Variants in SYNE3 observed in about 807,000 individuals in gnomAD.
The protein encoded by SYNE3 is spectrin repeat containing nuclear envelope family member 3.
SYNE3 carries 100 observed loss-of-function variants against 111.2 expected under a neutral mutation model. The ratio of observed to expected loss-of-function variants is 0.90; its 90% CI spans 0.77 to 1.06. The LOEUF (loss-of-function observed/expected upper bound fraction) is 1.06, where lower values mean the gene tolerates loss of function less well. SYNE3 is among the 50% of genes least tolerant of loss of function. The pLI, the probability that SYNE3 is intolerant of heterozygous loss-of-function variation, is 0.00. For missense variants in SYNE3, 1,160 were observed against 1,240.3 expected (o/e 0.94, Z 0.97); for synonymous variants, 547 against 533.9 (o/e 1.02, Z -0.34).
At chr14:95,443,046 G>A in intron 11 of SYNE3, 109 bp downstream of exon 11, 1 of 1,367,970 alleles carries the variant, frequency 7.3e-7, no homozygotes, top group Non-Finnish European at 1.0e-6. Context: ...AAAGAAAAAA[G>A]AGAGGTTAGA....
rs374468630 is a variant in SYNE3 at position 95,485,989 on chromosome 14, C to T, written c.-14-10154G>A. On this transcript the variant is annotated intron_variant, in intron 1 of 17. Transcript: ENST00000682763. The surrounding 1 kb of genome is among the most constrained non-coding windows in gnomAD (Gnocchi z 4.3). ...CAGCCTGCACTCAAGGGGTACACTG[C>T]ACCCCCACCACCCCTTATCAGCTCC... Among the ~76,000 whole-genome samples the T allele has an allele frequency of 4.8e-4, 73 of 152,258 alleles. No homozygotes were observed. The highest frequency in any genetic ancestry group is 1.7e-3 in the African/African-American group (71 of 41,534).
chr14:95,421,814 G>A lies in SYNE3; in HGVS notation c.2728-3788C>T, dbSNP rs192983337. ...CTCTCAGCTCCTTAAAGACCCTCAC[G>A]TCCTATCGCCACAGGGCCTTTGCAC... is the stretch of plus-strand genomic sequence containing the variant. On this transcript the variant is annotated intron_variant, in intron 17 of 17. Coordinates refer to ENST00000682763, the MANE Select transcript of SYNE3 (RefSeq NM_152592.6). Among the ~76,000 whole-genome samples, 20 of 152,286 alleles carry A rather than the reference G, an allele frequency of 1.3e-4. No homozygotes were observed. The South Asian group carries it at 2.3e-3, about 17-fold the overall frequency.
Position 95,416,508 on chromosome 14 carries a change from A to G in SYNE3, c.*1318T>C, listed in dbSNP as rs1195868683. On this transcript the variant is annotated 3_prime_UTR_variant, in exon 18 of 18. Coordinates refer to ENST00000682763, the MANE Select transcript of SYNE3 (RefSeq NM_152592.6). ...TTGTAGAGCACTTAGGAACCATCCC[A>G]GAGTTCCCTGGCAAGGAAGGGATGA... 3 of 152,250 alleles carry G rather than the reference A, an allele frequency of 2.0e-5. No individual in the cohort carries two copies. Among genetic ancestry groups the G allele is most frequent in the African/African-American group, 7.2e-5 (3 of 41,464 alleles). 9.4% of individuals were successfully genotyped at this position (152,250 alleles called of 1,614,324 possible).
chr14:95,409,461 A>C lies in SYNE3; in HGVS notation c.*8365T>G, dbSNP rs981205774. 2.3e-6 allele frequency: 1 copy of C among 436,982 alleles called. No individual in the cohort carries two copies. The highest frequency in any genetic ancestry group is 7.0e-5 in the East Asian group (1 of 14,224). The allele number at this position is 436,982 out of a possible 1,614,324, so 27.1% of individuals were successfully genotyped here. On this transcript the variant is annotated 3_prime_UTR_variant, in exon 18 of 18. Transcript: ENST00000682763. ...TGCTGAGCTCAGAAGCAAGCGTTTC[A>C]GAAAGGAAGCCCAGGATCCTCGGGG...
In SYNE3 at chr14:95,439,014, C is replaced by A; in HGVS notation, c.2376+19G>T. On this transcript the variant is annotated intron_variant, in intron 14 of 17. Coordinates refer to ENST00000682763, the MANE Select transcript of SYNE3 (RefSeq NM_152592.6). ...TGGGGCCTGGCCCCTTCTCCCACAG[C>A]CCTGCTAGACAGACTCACGCGTCGA... The A allele has an allele frequency of 6.2e-7, 1 of 1,613,036 alleles. No homozygotes were observed. The highest frequency in any genetic ancestry group is 8.5e-7 in the Non-Finnish European group (1 of 1,179,464).
chr14:95,425,241 AT>A (rs1316518170), intron 17 of SYNE3, among the ~76,000 whole-genome samples: 2 of 67,808 alleles, frequency 2.9e-5, no homozygotes, highest in African/African-American at 8.3e-5. Flanking sequence ...GTGAGACTCC[AT>A]CAAAAAAAAA....
At position 95,479,165 on chromosome 14, in the gene SYNE3, C is replaced by T. The variant is rs555920552; in HGVS notation, c.-14-3330G>A. ...ATCCCAGCAGTTTGGGAGGCTGATA[C>T]GGGAGGATCACTTGAGCTCAGGACC... is the stretch of plus-strand genomic sequence containing the variant. On this transcript the variant is annotated intron_variant, in intron 1 of 17. Transcript: ENST00000682763. Among the ~76,000 whole-genome samples, 24 of 141,528 alleles carry T rather than the reference C, an allele frequency of 1.7e-4. No homozygotes were observed. The Middle Eastern group carries it at 0.015, about 89-fold the overall frequency. 92.8% of individuals were successfully genotyped at this position (141,528 alleles called of 152,430 possible).
At chr14:95,509,765 C>T (rs1447975201) in intron 1 of SYNE3, among the ~76,000 whole-genome samples, 1 of 152,240 alleles carries the variant, frequency 6.6e-6, no homozygotes, top group African/African-American at 2.4e-5. Context: ...GGTGGCCCAC[C>T]CTGTTCTGTC....
At chr14:95,458,199 A>G (rs1403491870) in intron 4 of SYNE3, among the ~76,000 whole-genome samples, 2 of 152,070 alleles carry the variant, frequency 1.3e-5, no homozygotes, top group Non-Finnish European at 2.9e-5. Context: ...ATGGCTCCCC[A>G]CTGGCCCCAG....
intron 2 of SYNE3, among the ~76,000 whole-genome samples, chr14:95,474,756 A>G (rs1888774370): frequency 6.6e-6 from 1 of 152,210 alleles, no homozygotes; most frequent in African/African-American, 2.4e-5. Flanking sequence ...AATCGAGAAG[A>G]CAGCACACAC....
chr14:95,438,993 G>T (rs750703159), intron 14 of SYNE3, 40 bp downstream of exon 14: 2 of 1,611,186 alleles, frequency 1.2e-6, no homozygotes, highest in South Asian at 2.2e-5. Context: ...TTGACCTGGG[G>T]CCTGGCCCCT....
chr14:95,413,085 T>G lies in SYNE3; in HGVS notation c.*4741A>C, dbSNP rs562539621. 2.6e-5 allele frequency: 4 copies of G among 152,264 alleles called. No homozygotes were observed. The highest frequency in any genetic ancestry group is 6.5e-5 in the Admixed American group (1 of 15,304). 9.4% of individuals were successfully genotyped at this position (152,264 alleles called of 1,614,324 possible). On this transcript the variant is annotated 3_prime_UTR_variant, in exon 18 of 18. Coordinates refer to ENST00000682763, the MANE Select transcript of SYNE3 (RefSeq NM_152592.6). ...TCAGTGAAAGCTTTGCCACTAGCGCTTGTCCTCAGAGGAAAGTTGGGAACC... is the reference window on the plus strand; with the variant it reads ...TCAGTGAAAGCTTTGCCACTAGCGCGTGTCCTCAGAGGAAAGTTGGGAACC...
rs1438595572 is a variant in SYNE3 at position 95,413,338 on chromosome 14, C to T, written c.*4488G>A. ...CTGACATCACCTCTGGCCTTTGACT[C>T]CCTCTGGCCCACTTCCCCGTCCGCC... On this transcript the variant is annotated 3_prime_UTR_variant, in exon 18 of 18. Transcript: ENST00000682763. The T allele has an allele frequency of 6.6e-6, 1 of 152,346 alleles. No homozygotes were observed. Among genetic ancestry groups the T allele is most frequent in the Admixed American group, 6.5e-5 (1 of 15,280 alleles). The allele number at this position is 152,346 out of a possible 1,614,324, so 9.4% of individuals were successfully genotyped here. A position where few individuals can be genotyped will look rare whatever the true frequency, so the allele number is the denominator to read the frequency against.
intron 1 of SYNE3, among the ~76,000 whole-genome samples, chr14:95,494,759 C>T (rs78509060): frequency 0.012 from 1,819 of 152,274 alleles, 21 homozygotes; most frequent in Middle Eastern, 0.041. Flanking sequence ...TAGGAAATGC[C>T]TTGTAAGGTG....
Position 95,439,908 on chromosome 14 carries a change from C to A in SYNE3, c.2073+6G>T, listed in dbSNP as rs1374335243. 6.2e-7 allele frequency: 1 copy of A among 1,610,324 alleles called. No homozygotes were observed. The highest frequency in any genetic ancestry group is 2.2e-5 in the East Asian group (1 of 44,854). ...TGGGAAGTGGGTGAGGGAACCACCG[C>A]CTTACCTCAAACTCGGCCTCTTGGG... On this transcript the variant is annotated splice_donor_region_variant and intron_variant, in intron 12 of 17. Coordinates refer to ENST00000682763, the MANE Select transcript of SYNE3 (RefSeq NM_152592.6).
At chr14:95,491,939 A>G (rs977509430) in intron 1 of SYNE3, among the ~76,000 whole-genome samples, 3 of 152,246 alleles carry the variant, frequency 2.0e-5, no homozygotes, top group South Asian at 2.1e-4. Context: ...AAATAGGCAA[A>G]TGATTTGAAT....
intron 4 of SYNE3, among the ~76,000 whole-genome samples, chr14:95,463,090 A>C (rs1318158689): frequency 6.6e-6 from 1 of 152,170 alleles, no homozygotes; most frequent in Non-Finnish European, 1.5e-5. Context: ...CGGGAGGCAG[A>C]GGTTGCAGTG....
chr14:95,457,500 G>A (rs1295130355), intron 4 of SYNE3, among the ~76,000 whole-genome samples, 162 bp from the exon 5 acceptor site: 1 of 152,128 alleles, frequency 6.6e-6, no homozygotes, highest in Non-Finnish European at 1.5e-5. Flanking sequence ...AGAGCTCTCA[G>A]ATACTCTGTT....
chr14:95,457,314 C>T lies in SYNE3; in HGVS notation c.652G>A (p.Val218Met), dbSNP rs201192700. The change falls in exon 5 of 18, where the codon GTG becomes ATG. Residue 218 changes from valine (V) to methionine (M), a missense_variant. Transcript: ENST00000682763. ...AQKRVDLLEQVAREHEEYQAG... is the reference protein window; with the variant it reads ...AQKRVDLLEQMAREHEEYQAG... ...TGGTACTCCTCATGCTCCCGGGCCACCTGCTCCAGCAGATCTACACGCTTC... is the reference window on the plus strand; with the variant it reads ...TGGTACTCCTCATGCTCCCGGGCCATCTGCTCCAGCAGATCTACACGCTTC... The T allele has an allele frequency of 1.9e-6, 3 of 1,607,942 alleles. No individual in the cohort carries two copies. The highest frequency in any genetic ancestry group is 2.2e-5 in the East Asian group (1 of 44,642).
Sources: allele counts gnomAD v4.1 joint callset (sites outside exome capture counted in the v4.1 genomes callset), GRCh38; gene constraint gnomAD v4.1.1; non-coding constraint Gnocchi (gnomAD v3.1); transcripts MANE v1.5; gene names NCBI Gene and HGNC (gene_info 2026-07-23, HGNC 2026-07-21).